Variants in AFG3L2 observed in about 807,000 individuals in gnomAD.
AFG3L2 encodes mitochondrial inner membrane m-AAA protease component AFG3L2.
AFG3L2 carries 54 observed loss-of-function variants against 94.5 expected under a neutral mutation model. That is an observed-to-expected ratio of 0.57 (90% CI 0.46 to 0.72). The LOEUF (loss-of-function observed/expected upper bound fraction) is 0.72, where lower values mean the gene tolerates loss of function less well. AFG3L2 is among the 30% of genes least tolerant of loss of function. The pLI is 0.00. For synonymous variants in AFG3L2, 377 were observed against 365.5 expected, an observed-to-expected ratio of 1.03 and a Z score of -0.36; for missense variants, 754 against 994.9, an observed-to-expected ratio of 0.76 and a Z score of 3.26.
intron 2 of AFG3L2, among the ~76,000 whole-genome samples, 157 bp from the exon 3 acceptor site, chr18:12,371,083 T>C (rs1212310283): frequency 6.6e-6 from 1 of 151,836 alleles, no homozygotes; most frequent in Non-Finnish European, 1.5e-5. Flanking sequence ...GAGGCTGAGG[T>C]GGGCAGATCA....
At chr18:12,362,192 GTAAGCCATCTAC>G (rs1444453076) in intron 6 of AFG3L2, among the ~76,000 whole-genome samples, 2 of 152,316 alleles carry the variant, frequency 1.3e-5, no homozygotes, top group African/African-American at 4.8e-5. Flanking sequence ...CACAGAGAAG[GTAAGCCATCTAC>G]TAGTCAAGAG....
intron 7 of AFG3L2, among the ~76,000 whole-genome samples, chr18:12,359,537 A>G (rs1443113561): frequency 6.6e-6 from 1 of 152,128 alleles, no homozygotes; most frequent in Admixed American, 6.6e-5. Flanking sequence ...TCAGGAGTTC[A>G]AGACCAGCCT....
intron 13 of AFG3L2, among the ~76,000 whole-genome samples, chr18:12,345,791 G>A (rs1908114456): frequency 6.6e-6 from 1 of 152,172 alleles, no homozygotes; most frequent in Non-Finnish European, 1.5e-5. Flanking sequence ...TGTCTCTACA[G>A]TGAATTATTA....
intron 3 of AFG3L2, among the ~76,000 whole-genome samples, chr18:12,370,054 C>CAAAAAAAA (rs796293157): frequency 1.9e-4 from 7 of 36,032 alleles, no homozygotes; most frequent in South Asian, 1.3e-3. Flanking sequence ...GACTCTGTCT[C>CAAAAAAAA]AAAAAAAAAA....
At chr18:12,359,163 G>C (rs1908583553) in intron 7 of AFG3L2, among the ~76,000 whole-genome samples, 1 of 152,162 alleles carries the variant, frequency 6.6e-6, no homozygotes, top group Non-Finnish European at 1.5e-5. Context: ...CATCTGCCCA[G>C]ACTTTAAGTG....
Position 12,329,759 on chromosome 18 carries a change from C to CT in AFG3L2, c.2199dup (p.Glu734ArgfsTer5). The CT allele has an allele frequency of 6.2e-7, 1 of 1,614,134 alleles. No individual in the cohort carries two copies. The highest frequency in any genetic ancestry group is 8.5e-7 in the Non-Finnish European group (1 of 1,180,008). On this transcript the variant is annotated frameshift_variant, in exon 17 of 17. Coordinates refer to ENST00000269143, the MANE Select transcript of AFG3L2 (RefSeq NM_006796.3). LOFTEE classifies it high-confidence loss of function. Reference sequence around the variant, plus strand: ...ACCATATCATTCTTATCTAATACTTCTTTTTCTAACAACAGAAGAGCAACC... The same window carrying CT: ...ACCATATCATTCTTATCTAATACTTCTTTTTTCTAACAACAGAAGAGCAACC...
chr18:12,342,216 C>A (rs1254573492), intron 14 of AFG3L2: 2 of 152,144 alleles, frequency 1.3e-5, no homozygotes, highest in South Asian at 4.1e-4. Flanking sequence ...TGCTCCATAT[C>A]CTTATCAACA....
At chr18:12,344,778 T>C (rs1886592895) in intron 13 of AFG3L2, among the ~76,000 whole-genome samples, 1 of 152,082 alleles carries the variant, frequency 6.6e-6, no homozygotes, top group African/African-American at 2.4e-5. Context: ...AAAATACAAC[T>C]ACAGCAAAAA....
At chr18:12,332,682 ATAT>A (rs1907572579) in intron 16 of AFG3L2, among the ~76,000 whole-genome samples, 1 of 43,014 alleles carries the variant, frequency 2.3e-5, no homozygotes, top group African/African-American at 6.0e-5. Context: ...ATATATATAT[ATAT>A]TTTTTGTCTA....
chr18:12,337,297 T>C, intron 16 of AFG3L2, 44 bp downstream of exon 16: 2 of 1,581,708 alleles, frequency 1.3e-6, no homozygotes, highest in Non-Finnish European at 1.7e-6. Context: ...TTCAATCTTT[T>C]TTTTGCAAAA....
chr18:12,365,151 C>G (rs902456826), intron 5 of AFG3L2, among the ~76,000 whole-genome samples: 1 of 152,196 alleles, frequency 6.6e-6, no homozygotes, highest in African/African-American at 2.4e-5. Context: ...GGGCTGGAAT[C>G]GGGGAGCAAC....
At chr18:12,331,283 CAACT>C (rs1188599294) in intron 16 of AFG3L2, among the ~76,000 whole-genome samples, 2 of 152,078 alleles carry the variant, frequency 1.3e-5, no homozygotes, top group East Asian at 3.9e-4. Flanking sequence ...ACGACAAAAT[CAACT>C]AACAGCAAAC....
Position 12,366,678 on chromosome 18 carries a change from A to G in AFG3L2, c.552+287T>C, listed in dbSNP as rs938539528. Among the ~76,000 whole-genome samples, 17 of 152,264 alleles carry G rather than the reference A, an allele frequency of 1.1e-4. No homozygotes were observed. In the Middle Eastern group the frequency reaches 0.01, roughly 91 times the overall value. ...GCAGGGGCAGCTGAGGGCACGTGAG[A>G]AAAGGGCGCAAGCAGAGGACTGCCA... is the stretch of plus-strand genomic sequence containing the variant. On this transcript the variant is annotated intron_variant, in intron 5 of 16. Coordinates refer to ENST00000269143, the MANE Select transcript of AFG3L2 (RefSeq NM_006796.3).
Position 12,377,195 on chromosome 18 carries a change from G to A in AFG3L2, c.-113C>T. Reference sequence around the variant, plus strand: ...GGGAAAGGCCGCCAGGCAGCGAAGCGCGCCGGCGGCTCACGGAGGAGCCCA... The same window carrying A: ...GGGAAAGGCCGCCAGGCAGCGAAGCACGCCGGCGGCTCACGGAGGAGCCCA... On this transcript the variant is annotated 5_prime_UTR_variant, in exon 1 of 17. Transcript: ENST00000269143. The A allele has an allele frequency of 1.2e-6, 1 of 817,944 alleles. No individual in the cohort carries two copies. Among genetic ancestry groups the A allele is most frequent in the Non-Finnish European group, 1.8e-6 (1 of 545,070 alleles). The allele number at this position is 817,944 out of a possible 1,614,324, so 50.7% of individuals were successfully genotyped here. A position where few individuals can be genotyped will look rare whatever the true frequency, so the allele number is the denominator to read the frequency against.
At chr18:12,371,982 G>C (rs1276536689) in intron 1 of AFG3L2, among the ~76,000 whole-genome samples, 1 of 152,200 alleles carries the variant, frequency 6.6e-6, no homozygotes, top group African/African-American at 2.4e-5. Flanking sequence ...CATTCACTTT[G>C]ATGATGTTTG....
rs201750735 is a variant in AFG3L2 at position 12,375,055 on chromosome 18, CAAA to C, written c.114+1911_114+1913del. ...TGGGCGACAGAGCGAGACCCTGTCTCAAAAAAAAAAAAAAAAGAAAAGAAAAGA... is the reference window on the plus strand; with the variant it reads ...TGGGCGACAGAGCGAGACCCTGTCTCAAAAAAAAAAAAAGAAAAGAAAAGA... On this transcript the variant is annotated intron_variant, in intron 1 of 16. Coordinates refer to ENST00000269143, the MANE Select transcript of AFG3L2 (RefSeq NM_006796.3). Among the ~76,000 whole-genome samples, 678 of 100,814 alleles carry C rather than the reference CAAA, an allele frequency of 6.7e-3. 10 individuals carry two copies. Among genetic ancestry groups the C allele is most frequent in the African/African-American group, 0.019 (619 of 32,424 alleles). The allele number at this position is 100,814 out of a possible 152,430, so 66.1% of individuals were successfully genotyped here. A position where few individuals can be genotyped will look rare whatever the true frequency, so the allele number is the denominator to read the frequency against.
At chr18:12,366,847 A>T in intron 5 of AFG3L2, 118 bp downstream of exon 5, 2 of 1,421,758 alleles carry the variant, frequency 1.4e-6, no homozygotes, top group South Asian at 1.2e-5. Flanking sequence ...AATCTGAGTG[A>T]AAATAACAAT....
intron 15 of AFG3L2, among the ~76,000 whole-genome samples, chr18:12,339,820 G>A (rs1247424261): frequency 1.4e-5 from 2 of 141,288 alleles, no homozygotes; most frequent in Non-Finnish European, 3.0e-5. Context: ...CTGCACTCCA[G>A]CCTGGGCAAG....
At chr18:12,342,439 T>C (rs1268950788) in intron 14 of AFG3L2, 1 of 152,224 alleles carries the variant, frequency 6.6e-6, no homozygotes, top group Non-Finnish European at 1.5e-5. Flanking sequence ...TTACAGGTTC[T>C]AGAAATAAGT....
Sources: gnomAD v4.1 joint callset for allele counts (sites outside exome capture counted in the v4.1 genomes callset) on GRCh38, gnomAD v4.1.1 for gene constraint, MANE v1.5 for transcripts, NCBI Gene and HGNC (gene_info 2026-07-23, HGNC 2026-07-21) for gene names.